Variants in UBE2L6 observed in about 807,000 individuals in gnomAD.
UBE2L6 encodes the protein ubiquitin/ISG15-conjugating enzyme E2 L6.
UBE2L6 carries 11 observed loss-of-function variants against 13.6 expected under a neutral mutation model. That is an observed-to-expected ratio of 0.81 (90% CI 0.51 to 1.34). The LOEUF is 1.34. Among genes scored for constraint, UBE2L6 ranks in the 40% most tolerant of loss-of-function variants. The pLI is 0.00. For synonymous variants in UBE2L6, 74 were observed against 83.2 expected, an observed-to-expected ratio of 0.89 and a Z score of 0.60; for missense variants, 197 against 199.5, an observed-to-expected ratio of 0.99 and a Z score of 0.07.
intron 3 of UBE2L6, 94 bp downstream of exon 3, chr11:57,554,343 T>C: frequency 1.4e-6 from 2 of 1,456,018 alleles, no homozygotes; most frequent in East Asian, 2.3e-5. Flanking sequence ...TCTCCTCTCT[T>C]TGGGGCTTTT....
chr11:57,566,038 T>C (rs1000517398), intron 1 of UBE2L6, among the ~76,000 whole-genome samples: 2 of 151,486 alleles, frequency 1.3e-5, no homozygotes, highest in African/African-American at 4.9e-5. Flanking sequence ...CCAGGGTCAA[T>C]GGCCCTTCAT....
At position 57,567,623 on chromosome 11, in the gene UBE2L6, GT is replaced by G. The variant is rs1318741566; in HGVS notation, c.-13del. On this transcript the variant is annotated 5_prime_UTR_variant, in exon 1 of 4. Transcript: ENST00000287156. ...ATGCTCGCCATCATGTCGGGACCGA[GT>G]GTGTGGCACCCGTGGCCTCCAGCAG... 2 of 1,606,812 alleles carry G rather than the reference GT, an allele frequency of 1.2e-6. No homozygotes were observed. The highest frequency in any genetic ancestry group is 3.4e-5 in the Admixed American group (2 of 58,798).
At chr11:57,564,318 G>A (rs760158823) in intron 1 of UBE2L6, among the ~76,000 whole-genome samples, 7 of 151,966 alleles carry the variant, frequency 4.6e-5, no homozygotes, top group East Asian at 1.9e-4. Flanking sequence ...AATGAAATAC[G>A]GCTGAGGGAA....
At chr11:57,566,943 G>GGCCGC in intron 1 of UBE2L6, 1 of 75,880 alleles carries the variant, frequency 1.3e-5, no homozygotes, top group Non-Finnish European at 2.7e-5. Flanking sequence ...GTTCATCTCT[G>GGCCGC]CCCGCCCCCC....
At chr11:57,555,467 C>G (rs2649653) in intron 2 of UBE2L6, among the ~76,000 whole-genome samples, 67,450 of 151,596 alleles carry the variant, frequency 0.44, 15,337 homozygotes, top group East Asian at 0.72. Flanking sequence ...AAGTGGTCAC[C>G]AGGTGCTGGG....
At chr11:57,557,090 A>T (rs1278156368) in intron 2 of UBE2L6, among the ~76,000 whole-genome samples, 2 of 151,750 alleles carry the variant, frequency 1.3e-5, no homozygotes, top group Non-Finnish European at 2.9e-5. Flanking sequence ...AAGGAAAGAA[A>T]AGAAAAGAAT....
chr11:57,554,297 T>C, intron 3 of UBE2L6, 140 bp downstream of exon 3: 1 of 971,080 alleles, frequency 1.0e-6, no homozygotes, highest in Non-Finnish European at 1.5e-6. Flanking sequence ...ATCCCTTCTA[T>C]CTCATAGTAA....
rs181739603 is a variant in UBE2L6 at position 57,564,855 on chromosome 11, A to C, written c.27+2730T>G. On this transcript the variant is annotated intron_variant, in intron 1 of 3. Coordinates refer to ENST00000287156, the MANE Select transcript of UBE2L6 (RefSeq NM_004223.5). Reference sequence around the variant, plus strand: ...ATTAGTATAACACTGTATTTATGGTATATACACTACTCATATCTTAAGTAG... The same window carrying C: ...ATTAGTATAACACTGTATTTATGGTCTATACACTACTCATATCTTAAGTAG... Among the ~76,000 whole-genome samples the C allele has an allele frequency of 1.1e-4, 16 of 152,236 alleles. No individual in the cohort carries two copies. In the East Asian group the frequency reaches 2.5e-3, roughly 24 times the overall value.
chr11:57,552,222 CA>C lies in UBE2L6; in HGVS notation c.*135del, dbSNP rs565694388. On this transcript the variant is annotated 3_prime_UTR_variant, in exon 4 of 4. Coordinates refer to ENST00000287156, the MANE Select transcript of UBE2L6 (RefSeq NM_004223.5). ...AGCTCCCTTCCCTCCACCACACACA[CA>C]CACAAACTAATGACTAACAACCTAA... The C allele has an allele frequency of 1.6e-3, 1,998 of 1,272,822 alleles. 6 individuals are homozygous for C. The highest frequency in any genetic ancestry group is 1.7e-3 in the Non-Finnish European group (1,540 of 906,040). 78.8% of individuals were successfully genotyped at this position (1,272,822 alleles called of 1,614,324 possible).
intron 2 of UBE2L6, among the ~76,000 whole-genome samples, chr11:57,554,967 T>A (rs894071551): frequency 1.3e-5 from 2 of 152,136 alleles, no homozygotes; most frequent in Non-Finnish European, 1.5e-5. Flanking sequence ...TTTCTGAGAT[T>A]ATGGAAGAAA....
At chr11:57,567,470 T>C (rs976952818) in intron 1 of UBE2L6, 115 bp downstream of exon 1, 11 of 1,443,260 alleles carry the variant, frequency 7.6e-6, no homozygotes, top group African/African-American at 1.4e-5. Context: ...CAGCCAGCCC[T>C]GGTGCCCAGA....
At chr11:57,565,040 C>T (rs1284670720) in intron 1 of UBE2L6, among the ~76,000 whole-genome samples, 1 of 151,918 alleles carries the variant, frequency 6.6e-6, no homozygotes, top group African/African-American at 2.4e-5. Flanking sequence ...GTCAGGAGTT[C>T]GAGACTAGCC....
At chr11:57,553,657 C>T (rs1219812880) in intron 3 of UBE2L6, among the ~76,000 whole-genome samples, 4 of 152,070 alleles carry the variant, frequency 2.6e-5, no homozygotes. Context: ...GGCAAAACCC[C>T]TCTCTATTAA....
upstream of UBE2L6, chr11:57,567,723 CCCT>C: frequency 7.3e-7 from 1 of 1,367,528 alleles, no homozygotes; most frequent in Non-Finnish European, 9.9e-7. Flanking sequence ...CCCCGCCCAC[CCCT>C]CCTCCAGCCG....
intron 1 of UBE2L6, among the ~76,000 whole-genome samples, chr11:57,566,454 A>T (rs1945093428): frequency 6.6e-6 from 1 of 152,224 alleles, no homozygotes; most frequent in Non-Finnish European, 1.5e-5. Flanking sequence ...CAATTTCCTC[A>T]TTTGTAAAAT....
rs998325119 is a variant in UBE2L6 at position 57,551,932 on chromosome 11, C to T, written c.*426G>A. Reference sequence around the variant, plus strand: ...GCTGACTCAGTTGTAAATAGGGTACCCTCCATCTGTCTCCCACCCATATGC... The same window carrying T: ...GCTGACTCAGTTGTAAATAGGGTACTCTCCATCTGTCTCCCACCCATATGC... On this transcript the variant is annotated 3_prime_UTR_variant, in exon 4 of 4. Transcript: ENST00000287156. 1.2e-5 allele frequency: 2 copies of T among 163,056 alleles called. No homozygotes were observed. Among genetic ancestry groups the T allele is most frequent in the African/African-American group, 4.8e-5 (2 of 41,762 alleles). 10.1% of individuals were successfully genotyped at this position (163,056 alleles called of 1,614,324 possible). A position where few individuals can be genotyped will look rare whatever the true frequency, so the allele number is the denominator to read the frequency against.
intron 1 of UBE2L6, among the ~76,000 whole-genome samples, chr11:57,563,495 AAAG>A (rs991520127): frequency 6.6e-6 from 1 of 150,430 alleles, no homozygotes; most frequent in African/African-American, 2.4e-5. Context: ...AAAAAAAAAA[AAAG>A]AAAGAAAGAA....
intron 1 of UBE2L6, among the ~76,000 whole-genome samples, chr11:57,561,984 T>C (rs1268255578): frequency 6.6e-6 from 1 of 152,238 alleles, no homozygotes; most frequent in African/African-American, 2.4e-5. Context: ...CGGTAATATC[T>C]GGGAACATTG....
At chr11:57,557,097 G>T (rs1449829578) in intron 2 of UBE2L6, among the ~76,000 whole-genome samples, 1 of 151,094 alleles carries the variant, frequency 6.6e-6, no homozygotes, top group African/African-American at 2.4e-5. Context: ...GAAAAGAAAA[G>T]AATTTGATCC....
Sources: allele counts gnomAD v4.1 joint callset (sites outside exome capture counted in the v4.1 genomes callset), GRCh38; gene constraint gnomAD v4.1.1; transcripts MANE v1.5; gene names NCBI Gene and HGNC (gene_info 2026-07-23, HGNC 2026-07-21).